Variants in SCHIP1 observed in about 807,000 individuals in gnomAD.
SCHIP1 encodes schwannomin interacting protein 1, also known as schwannomin-interacting protein 1.
Under a neutral mutation model 29.7 loss-of-function variants are expected in SCHIP1, and 8 were observed. The observed-to-expected ratio is 0.27, with a 90% confidence interval of 0.16 to 0.49. The LOEUF (loss-of-function observed/expected upper bound fraction) is 0.49, where lower values mean the gene tolerates loss of function less well. Among genes scored for constraint, SCHIP1 ranks in the 20% least tolerant of loss-of-function variants. SCHIP1 has a pLI of 0.99. For missense variants in SCHIP1, 193 were observed against 294.6 expected, an observed-to-expected ratio of 0.66 and a Z score of 2.52; for synonymous variants, 76 against 94.9, an observed-to-expected ratio of 0.80 and a Z score of 1.16.
chr3:159,715,041 G>A, the SCHIP1 span, among the ~76,000 whole-genome samples: 1 of 152,214 alleles, frequency 6.6e-6, no homozygotes, highest in Non-Finnish European at 1.5e-5. Flanking sequence ...CCTCTGAGAG[G>A]AAGCTTCCAA....
the SCHIP1 span, among the ~76,000 whole-genome samples, chr3:159,683,848 G>A: frequency 6.6e-6 from 1 of 152,128 alleles, no homozygotes; most frequent in Admixed American, 6.5e-5. Context: ...CTTCTAAAAA[G>A]CATCGTCCTA....
the SCHIP1 span, among the ~76,000 whole-genome samples, chr3:159,321,451 A>G: frequency 6.6e-6 from 1 of 152,224 alleles, no homozygotes; most frequent in Non-Finnish European, 1.5e-5. Context: ...CTTCTTTTTA[A>G]TGAAGCAGAT....
the SCHIP1 span, among the ~76,000 whole-genome samples, chr3:159,345,274 A>T: frequency 6.6e-6 from 1 of 152,062 alleles, no homozygotes; most frequent in Non-Finnish European, 1.5e-5. Flanking sequence ...ACATAAAGAA[A>T]TTAAAAGCCA....
the SCHIP1 span, among the ~76,000 whole-genome samples, chr3:159,613,038 C>T: frequency 1.3e-5 from 2 of 152,278 alleles, no homozygotes; most frequent in Admixed American, 6.5e-5. Flanking sequence ...GAAATAAACA[C>T]AGGCAACATG....
At chr3:159,275,135 CT>C in the SCHIP1 span, 1 of 915,606 alleles carries the variant, frequency 1.1e-6, no homozygotes, top group Non-Finnish European at 1.3e-6. Flanking sequence ...TTTTTGTCAT[CT>C]TTGCTCAATA....
the SCHIP1 span, among the ~76,000 whole-genome samples, chr3:159,284,165 C>G: frequency 2.0e-3 from 297 of 152,198 alleles, 1 homozygote; most frequent in African/African-American, 6.8e-3. Flanking sequence ...TAAAACCGTA[C>G]AGCCACAATG....
the SCHIP1 span, among the ~76,000 whole-genome samples, chr3:159,475,595 T>C: frequency 6.6e-6 from 1 of 152,188 alleles, no homozygotes; most frequent in South Asian, 2.1e-4. Context: ...TATATTCCAA[T>C]AAAAGTAAAG....
chr3:159,576,748 G>A, the SCHIP1 span, among the ~76,000 whole-genome samples: 1 of 152,046 alleles, frequency 6.6e-6, no homozygotes, highest in East Asian at 1.9e-4. Context: ...CCTCCTGCAT[G>A]CATCTGTTGA....
At chr3:159,847,921 T>A (rs1384053878) in intron 1 of SCHIP1, among the ~76,000 whole-genome samples, 1 of 152,202 alleles carries the variant, frequency 6.6e-6, no homozygotes, top group Non-Finnish European at 1.5e-5. Context: ...GAAAAGAGGT[T>A]ATAAATCTAA....
the SCHIP1 span, among the ~76,000 whole-genome samples, chr3:159,568,817 C>G: frequency 6.6e-6 from 1 of 152,012 alleles, no homozygotes; most frequent in African/African-American, 2.4e-5. Context: ...CTGACAGTAT[C>G]GTATTCAGAT....
chr3:159,820,869 T>C, the SCHIP1 span, among the ~76,000 whole-genome samples: 1 of 152,214 alleles, frequency 6.6e-6, no homozygotes, highest in Non-Finnish European at 1.5e-5. Flanking sequence ...TCCTTGGATA[T>C]TGTGTAGTGT....
the SCHIP1 span, among the ~76,000 whole-genome samples, chr3:159,584,405 A>G: frequency 1.3e-5 from 2 of 152,206 alleles, no homozygotes; most frequent in Non-Finnish European, 2.9e-5. Flanking sequence ...AAGAAGCTCA[A>G]ATTTGTGTTT....
chr3:159,438,313 T>C, the SCHIP1 span, among the ~76,000 whole-genome samples: 2 of 152,068 alleles, frequency 1.3e-5, no homozygotes, highest in Non-Finnish European at 2.9e-5. Context: ...GAAGCTCTGA[T>C]CACATCACAA....
the SCHIP1 span, among the ~76,000 whole-genome samples, chr3:159,692,043 A>ACGGAGTCT: frequency 2.0e-5 from 2 of 101,246 alleles, no homozygotes; most frequent in Admixed American, 2.9e-4. Flanking sequence ...TTTTTTTGAG[A>ACGGAGTCT]CGGAGTCTCG....
chr3:159,436,416 T>G, the SCHIP1 span, among the ~76,000 whole-genome samples: 1 of 152,134 alleles, frequency 6.6e-6, no homozygotes, highest in Non-Finnish European at 1.5e-5. Flanking sequence ...TAAGGGAAAT[T>G]AACTCCTAGA....
the SCHIP1 span, among the ~76,000 whole-genome samples, chr3:159,356,175 A>G: frequency 6.6e-6 from 1 of 152,062 alleles, no homozygotes; most frequent in Non-Finnish European, 1.5e-5. Flanking sequence ...AACCTGCACA[A>G]TGTGCACATG....
chr3:159,481,711 T>C, the SCHIP1 span, among the ~76,000 whole-genome samples: 1 of 152,184 alleles, frequency 6.6e-6, no homozygotes, highest in African/African-American at 2.4e-5. Flanking sequence ...TAGGAAACAC[T>C]ATGTAATTCC....
the SCHIP1 span, among the ~76,000 whole-genome samples, chr3:159,335,945 T>C: frequency 6.6e-6 from 1 of 152,200 alleles, no homozygotes; most frequent in African/African-American, 2.4e-5. Context: ...GTTGAACTAG[T>C]TTACAGTCCC....
chr3:159,309,232 T>C, the SCHIP1 span: 1 of 216,116 alleles, frequency 4.6e-6, no homozygotes, highest in Non-Finnish European at 7.9e-6. Flanking sequence ...ATGACATATA[T>C]GCAATAAATA....
Sources: allele counts gnomAD v4.1 joint callset (sites outside exome capture counted in the v4.1 genomes callset), GRCh38; gene constraint gnomAD v4.1.1; transcripts MANE v1.5; gene names NCBI Gene and HGNC (gene_info 2026-07-23, HGNC 2026-07-21).